Variants in VAT1L observed in about 807,000 individuals in gnomAD.
The protein encoded by VAT1L is putative NADPH-dependent quinone oxidoreductase VAT1L.
A neutral mutation model predicts 44.1 loss-of-function variants in VAT1L; 34 were observed. The observed-to-expected ratio is 0.77, with a 90% CI of 0.59 to 1.03. The LOEUF (loss-of-function observed/expected upper bound fraction) is 1.03, where lower values mean the gene tolerates loss of function less well. VAT1L is among the 50% of genes least tolerant of loss of function. VAT1L has a pLI of 0.00. For synonymous variants in VAT1L, 253 were observed against 202.2 expected (o/e 1.25, Z -2.13); for missense variants, 615 against 538.8 (o/e 1.14, Z -1.40).
intron 7 of VAT1L, among the ~76,000 whole-genome samples, chr16:77,968,238 G>C (rs760266222): frequency 1.3e-5 from 2 of 152,104 alleles, no homozygotes; most frequent in Admixed American, 1.3e-4. Flanking sequence ...AAGGGGTCCT[G>C]ATCCAGACCC....
intron 2 of VAT1L, among the ~76,000 whole-genome samples, chr16:77,817,703 C>A (rs950879457): frequency 6.6e-6 from 1 of 152,046 alleles, no homozygotes; most frequent in Non-Finnish European, 1.5e-5. Flanking sequence ...ATAATAAAAC[C>A]TTTTTTAATT....
At chr16:77,912,800 A>C (rs372335) in intron 7 of VAT1L, among the ~76,000 whole-genome samples, 24,406 of 152,088 alleles carry the variant, frequency 0.16, 2,163 homozygotes, top group Admixed American at 0.2. Flanking sequence ...GGAGGCTCGC[A>C]AGTTCAAGAT....
At chr16:77,854,290 G>A (rs900997662) in intron 3 of VAT1L, among the ~76,000 whole-genome samples, 20 of 152,118 alleles carry the variant, frequency 1.3e-4, no homozygotes, top group Admixed American at 6.5e-5. Context: ...CGCATATCAC[G>A]TGTAGGTCAA....
intron 7 of VAT1L, among the ~76,000 whole-genome samples, chr16:77,902,645 A>G (rs2017394577): frequency 6.6e-6 from 1 of 150,424 alleles, no homozygotes; most frequent in South Asian, 2.1e-4. Context: ...AAAATAGATC[A>G]ATCAATCAAT....
At chr16:77,826,162 C>G (rs1292774890) in intron 3 of VAT1L, among the ~76,000 whole-genome samples, 3 of 147,154 alleles carry the variant, frequency 2.0e-5, no homozygotes, top group African/African-American at 2.5e-5. Flanking sequence ...AGCCGAGATC[C>G]CGCCACTGCA....
intron 3 of VAT1L, among the ~76,000 whole-genome samples, chr16:77,841,482 A>G (rs536419562): frequency 1.3e-5 from 2 of 152,226 alleles, no homozygotes; most frequent in African/African-American, 4.8e-5. Flanking sequence ...CCCATTACAC[A>G]TGACAGATTG....
chr16:77,862,883 G>A lies in VAT1L; in HGVS notation c.715G>A (p.Val239Ile), dbSNP rs755669869. The change falls in exon 4 of 9, where the codon GTT (valine) becomes ATT (isoleucine). Residue 239 changes from valine (V) to isoleucine (I), a missense_variant. Transcript: ENST00000302536. ...CAGAAATGCAGACTACGTGCAAGAAGTTAAAAGGTAAGATGTTTGCTTTTG... is the reference window on the plus strand; with the variant it reads ...CAGAAATGCAGACTACGTGCAAGAAATTAAAAGGTAAGATGTTTGCTTTTG... ...FDRNADYVQE[V>I]KRISAEGVDI... is the part of the protein sequence containing the mutation. 1.2e-5 allele frequency: 20 copies of A among 1,613,880 alleles called. No individual in the cohort carries two copies. In the African/African-American group the frequency reaches 2.4e-4, roughly 19 times the overall value.
intron 4 of VAT1L, among the ~76,000 whole-genome samples, chr16:77,870,266 T>C (rs1256568276): frequency 6.6e-6 from 1 of 152,168 alleles, no homozygotes; most frequent in Non-Finnish European, 1.5e-5. Context: ...TGGCACCCTG[T>C]GCAAAGCCTA....
chr16:77,946,121 A>G (rs1377192101), intron 7 of VAT1L, among the ~76,000 whole-genome samples: 1 of 151,242 alleles, frequency 6.6e-6, no homozygotes, highest in Non-Finnish European at 1.5e-5. Context: ...TTTTTTAGAC[A>G]TTATCACATT....
intron 7 of VAT1L, among the ~76,000 whole-genome samples, chr16:77,956,972 T>A (rs1001209348): frequency 2.6e-5 from 4 of 152,200 alleles, no homozygotes; most frequent in Admixed American, 2.6e-4. Context: ...ATACCACCTA[T>A]TCCTGCAAAC....
chr16:77,976,435 G>A (rs1485626487), intron 8 of VAT1L, among the ~76,000 whole-genome samples: 1 of 152,142 alleles, frequency 6.6e-6, no homozygotes, highest in Admixed American at 6.6e-5. Context: ...CAGGGAGAAG[G>A]CACTGCACAT....
chr16:77,933,520 T>A (rs536756263), intron 7 of VAT1L, among the ~76,000 whole-genome samples: 1 of 151,810 alleles, frequency 6.6e-6, no homozygotes, highest in African/African-American at 2.4e-5. Context: ...ACAAGAAAAA[T>A]GGTCAAATAA....
At chr16:77,842,295 G>C (rs560378198) in intron 3 of VAT1L, among the ~76,000 whole-genome samples, 2 of 152,314 alleles carry the variant, frequency 1.3e-5, no homozygotes, top group South Asian at 4.1e-4. Flanking sequence ...CACTCCTGTA[G>C]ATCTATAGAT....
rs2018368038 is a variant in VAT1L at position 77,978,777 on chromosome 16, C to T, written c.*1082C>T. 6.6e-6 allele frequency: 1 copy of T among 152,220 alleles called. No homozygotes were observed. Among genetic ancestry groups the T allele is most frequent in the African/African-American group, 2.4e-5 (1 of 41,446 alleles). 9.4% of individuals were successfully genotyped at this position (152,220 alleles called of 1,614,324 possible). On this transcript the variant is annotated 3_prime_UTR_variant, in exon 9 of 9. Transcript: ENST00000302536. ...ACCCCGGTGTAGAATCTGCAGCGCCCTGCTCTTCGGAAACCAAGGAACAAG... is the reference window on the plus strand; with the variant it reads ...ACCCCGGTGTAGAATCTGCAGCGCCTTGCTCTTCGGAAACCAAGGAACAAG...
chr16:77,975,479 T>G (rs2018329008), intron 8 of VAT1L, among the ~76,000 whole-genome samples: 1 of 152,192 alleles, frequency 6.6e-6, no homozygotes, highest in Non-Finnish European at 1.5e-5. Context: ...CCCAATGTGC[T>G]GGGATTACAG....
At chr16:77,943,619 G>T (rs934359045) in intron 7 of VAT1L, among the ~76,000 whole-genome samples, 1 of 151,720 alleles carries the variant, frequency 6.6e-6, no homozygotes, top group Non-Finnish European at 1.5e-5. Context: ...AGCCAGGATG[G>T]TCTCGATTTC....
Position 77,884,518 on chromosome 16 carries a change from C to T in VAT1L, c.883-90C>T, listed in dbSNP as rs533379667. The T allele has an allele frequency of 2.2e-6, 3 of 1,352,510 alleles. No homozygotes were observed. Among genetic ancestry groups the T allele is most frequent in the East Asian group, 2.7e-5 (1 of 37,236 alleles). 83.8% of individuals were successfully genotyped at this position (1,352,510 alleles called of 1,614,324 possible). A position where few individuals can be genotyped will look rare whatever the true frequency, so the allele number is the denominator to read the frequency against. On this transcript the variant is annotated intron_variant, in intron 6 of 8. Coordinates refer to ENST00000302536, the MANE Select transcript of VAT1L (RefSeq NM_020927.3). The surrounding 1 kb of genome is among the most constrained non-coding windows in gnomAD (Gnocchi z 4.5). Reference sequence around the variant, plus strand: ...GCTGAGCTGCAGCCCCACGTTCCCCCTGTAGTAGCTGATGACATCAGCAAT... The same window carrying T: ...GCTGAGCTGCAGCCCCACGTTCCCCTTGTAGTAGCTGATGACATCAGCAAT...
At chr16:77,883,700 C>G (rs894050046) in intron 6 of VAT1L, among the ~76,000 whole-genome samples, 3 of 152,144 alleles carry the variant, frequency 2.0e-5, no homozygotes, top group Non-Finnish European at 4.4e-5. Context: ...AGTTCAGAAC[C>G]ATTGATTCAG....
chr16:77,849,385 A>G (rs543325720), intron 3 of VAT1L, among the ~76,000 whole-genome samples: 8 of 152,324 alleles, frequency 5.3e-5, no homozygotes, highest in Non-Finnish European at 1.0e-4. Context: ...CCATTCATTC[A>G]TTCATCTCCA....
Sources: gnomAD v4.1 joint callset for allele counts (sites outside exome capture counted in the v4.1 genomes callset) on GRCh38, gnomAD v4.1.1 for gene constraint, Gnocchi (gnomAD v3.1) non-coding constraint, MANE v1.5 for transcripts, NCBI Gene and HGNC (gene_info 2026-07-23, HGNC 2026-07-21) for gene names.